Variants in PDZRN3 observed in about 807,000 individuals in gnomAD.
The protein encoded by PDZRN3 is PDZ domain containing ring finger 3.
PDZRN3 carries 38 observed loss-of-function variants against 85.7 expected under a neutral mutation model. The ratio of observed to expected loss-of-function variants is 0.44; its 90% CI spans 0.34 to 0.58. The LOEUF is 0.58. Ranked by LOEUF, PDZRN3 falls within the 20% of genes least tolerant of loss-of-function variation. PDZRN3 has a pLI of 0.01. For synonymous variants in PDZRN3, 759 were observed against 638.0 expected (o/e 1.19, Z -2.86); for missense variants, 1,629 against 1,506.4 (o/e 1.08, Z -1.35).
At chr3:73,397,563 T>A (rs956321576) in intron 5 of PDZRN3, among the ~76,000 whole-genome samples, 10 of 152,194 alleles carry the variant, frequency 6.6e-5, no homozygotes, top group African/African-American at 2.2e-4. Context: ...ATTAACCTTC[T>A]TGAACTGACT....
intron 1 of PDZRN3, among the ~76,000 whole-genome samples, chr3:73,611,817 A>G (rs187655913): frequency 1.3e-5 from 2 of 152,362 alleles, no homozygotes; most frequent in Admixed American, 6.5e-5. Flanking sequence ...GATAGTCTTC[A>G]TATAAAACAT....
At chr3:73,392,078 A>C (rs1297055390) in intron 5 of PDZRN3, among the ~76,000 whole-genome samples, 1 of 152,358 alleles carries the variant, frequency 6.6e-6, no homozygotes, top group East Asian at 1.9e-4. Context: ...GCAGCTGTCT[A>C]TGCGGAGAAG....
chr3:73,492,004 C>G (rs1416170572), intron 3 of PDZRN3, among the ~76,000 whole-genome samples: 1 of 152,048 alleles, frequency 6.6e-6, no homozygotes, highest in East Asian at 1.9e-4. Context: ...ATATGTGCTT[C>G]TTCACACCCC....
At chr3:73,387,100 C>T (rs370590372) in intron 8 of PDZRN3, among the ~76,000 whole-genome samples, 7 of 152,338 alleles carry the variant, frequency 4.6e-5, no homozygotes, top group African/African-American at 7.2e-5. Flanking sequence ...CCTGCTGCCA[C>T]GTAAGACGTG....
intron 3 of PDZRN3, among the ~76,000 whole-genome samples, chr3:73,463,183 T>C (rs1258269672): frequency 6.6e-6 from 1 of 152,188 alleles, no homozygotes; most frequent in Admixed American, 6.5e-5. Flanking sequence ...GCTCGCTGCA[T>C]TGTGACTTCA....
intron 1 of PDZRN3, among the ~76,000 whole-genome samples, chr3:73,618,233 C>T (rs1157473577): frequency 6.6e-6 from 1 of 152,180 alleles, no homozygotes; most frequent in Non-Finnish European, 1.5e-5. Context: ...AGAGCACCGA[C>T]CTTGCAGGGT....
At chr3:73,409,069 G>A (rs1313479089) in intron 3 of PDZRN3, among the ~76,000 whole-genome samples, 2 of 152,166 alleles carry the variant, frequency 1.3e-5, no homozygotes, top group African/African-American at 4.8e-5. Context: ...AATGCTGATT[G>A]CAAACTTTAT....
intron 3 of PDZRN3, among the ~76,000 whole-genome samples, chr3:73,440,448 G>A (rs187860459): frequency 6.6e-6 from 1 of 152,320 alleles, no homozygotes; most frequent in African/African-American, 2.4e-5. Context: ...TAGGCCACCA[G>A]CAGGAAGGAG....
intron 8 of PDZRN3, among the ~76,000 whole-genome samples, chr3:73,387,285 T>C (rs1430040452): frequency 2.0e-5 from 3 of 152,226 alleles, no homozygotes; most frequent in African/African-American, 4.8e-5. Flanking sequence ...CCTAGATGTG[T>C]TGCTGGAGCC....
chr3:73,590,536 A>C (rs910456080), intron 3 of PDZRN3, among the ~76,000 whole-genome samples: 1 of 152,174 alleles, frequency 6.6e-6, no homozygotes, highest in Admixed American at 6.5e-5. Context: ...TGGAGAAATA[A>C]TAAACGTCAA....
At chr3:73,447,290 C>T (rs532010849) in intron 3 of PDZRN3, among the ~76,000 whole-genome samples, 5 of 152,010 alleles carry the variant, frequency 3.3e-5, no homozygotes, top group Admixed American at 6.5e-5. Context: ...CCCTCGGACT[C>T]AAGGCTCTCC....
At chr3:73,610,920 G>C (rs1702675342) in intron 1 of PDZRN3, among the ~76,000 whole-genome samples, 1 of 152,096 alleles carries the variant, frequency 6.6e-6, no homozygotes, top group Non-Finnish European at 1.5e-5. Flanking sequence ...ACAATAAAAT[G>C]CTTTATTTCA....
chr3:73,492,581 G>C (rs534818605), intron 3 of PDZRN3, among the ~76,000 whole-genome samples: 3 of 152,230 alleles, frequency 2.0e-5, no homozygotes, highest in Non-Finnish European at 4.4e-5. Flanking sequence ...CTTCACAGGA[G>C]CTTAGAGAAG....
At chr3:73,566,060 A>T (rs944892197) in intron 3 of PDZRN3, among the ~76,000 whole-genome samples, 7 of 152,232 alleles carry the variant, frequency 4.6e-5, no homozygotes, top group African/African-American at 1.2e-4. Flanking sequence ...GTAATTAGGA[A>T]AAAAGGCAAG....
chr3:73,535,161 A>G (rs2106765208), intron 3 of PDZRN3, among the ~76,000 whole-genome samples: 1 of 152,272 alleles, frequency 6.6e-6, no homozygotes, highest in Non-Finnish European at 1.5e-5. Context: ...CCTGGGTTCT[A>G]GAAGGCTAAT....
intron 3 of PDZRN3, among the ~76,000 whole-genome samples, chr3:73,469,146 T>C (rs1456484488): frequency 6.6e-6 from 1 of 151,776 alleles, no homozygotes; most frequent in Non-Finnish European, 1.5e-5. Flanking sequence ...CAATCTCGGC[T>C]CACTGCAACC....
At chr3:73,492,489 G>T (rs181106412) in intron 3 of PDZRN3, among the ~76,000 whole-genome samples, 1 of 152,220 alleles carries the variant, frequency 6.6e-6, no homozygotes, top group Non-Finnish European at 1.5e-5. Context: ...CAAAGCACAC[G>T]TGAAGGGTAT....
At chr3:73,442,749 C>T (rs1226026994) in intron 3 of PDZRN3, among the ~76,000 whole-genome samples, 1 of 150,548 alleles carries the variant, frequency 6.6e-6, no homozygotes, top group Non-Finnish European at 1.5e-5. Flanking sequence ...GCACATATGA[C>T]CTTGCATTCC....
intron 3 of PDZRN3, among the ~76,000 whole-genome samples, chr3:73,472,875 C>G (rs1575677075): frequency 2.0e-5 from 3 of 152,200 alleles, no homozygotes; most frequent in South Asian, 2.1e-4. Flanking sequence ...TTGACATGTA[C>G]AAAGGAATAT....
Sources: allele counts gnomAD v4.1 joint callset (sites outside exome capture counted in the v4.1 genomes callset), GRCh38; gene constraint gnomAD v4.1.1; transcripts MANE v1.5; gene names NCBI Gene and HGNC (gene_info 2026-07-23, HGNC 2026-07-21).